METTL15: variants seen among roughly 807,000 people sequenced by gnomAD.
METTL15 encodes 12S rRNA N(4)-cytidine methyltransferase METTL15.
A neutral mutation model predicts 38.3 loss-of-function variants in METTL15; 34 were observed. The ratio of observed to expected loss-of-function variants is 0.89; its 90% CI spans 0.68 to 1.18. The LOEUF (loss-of-function observed/expected upper bound fraction) is 1.18, where lower values mean the gene tolerates loss of function less well. Among genes scored for constraint, METTL15 ranks in the 50% most tolerant of loss-of-function variants. The probability of loss-of-function intolerance (pLI) is 0.00; values close to 1 mark genes in which losing one functional copy is unlikely to be tolerated. For missense variants in METTL15, 438 were observed against 498.4 expected (o/e 0.88, Z 1.15); for synonymous variants, 162 against 170.9 (o/e 0.95, Z 0.41).
intron 3 of METTL15, among the ~76,000 whole-genome samples, chr11:28,128,480 T>C (rs1376703570): frequency 1.3e-5 from 2 of 152,188 alleles, no homozygotes; most frequent in Non-Finnish European, 2.9e-5. Flanking sequence ...GTATGTTATA[T>C]ACATTTATTT....
chr11:28,154,302 A>G (rs1179700298), intron 3 of METTL15, among the ~76,000 whole-genome samples: 1 of 152,076 alleles, frequency 6.6e-6, no homozygotes, highest in Non-Finnish European at 1.5e-5. Context: ...TCTCACTTGT[A>G]CGATGTGGAT....
chr11:28,381,427 AT>A (rs1470780691), intron 5 of METTL15, among the ~76,000 whole-genome samples: 1 of 152,118 alleles, frequency 6.6e-6, no homozygotes. Context: ...CTTTCTAATT[AT>A]TTTTTTGAAT....
Position 28,332,577 on chromosome 11 carries a change from C to T in METTL15, c.*1736C>T, listed in dbSNP as rs1238901948. 1 of 148,160 alleles carries T rather than the reference C, an allele frequency of 6.7e-6. No homozygotes were observed. The highest frequency in any genetic ancestry group is 1.5e-5 in the Non-Finnish European group (1 of 67,612). 9.2% of individuals were successfully genotyped at this position (148,160 alleles called of 1,614,324 possible). On this transcript the variant is annotated 3_prime_UTR_variant, in exon 7 of 7. Transcript: ENST00000407364. ...CAGTATGTGACCTTATTTGGAAATA[C>T]TGTGGTTGTGGTTGTAAGTAGCTAA...
At chr11:28,447,795 T>C (rs1851087393) in intron 6 of METTL15, among the ~76,000 whole-genome samples, 1 of 152,144 alleles carries the variant, frequency 6.6e-6, no homozygotes, top group African/African-American at 2.4e-5. Context: ...ATAAATGCCT[T>C]GCTTTAGGGG....
intron 4 of METTL15, among the ~76,000 whole-genome samples, chr11:28,282,598 C>G (rs1307649687): frequency 6.6e-6 from 1 of 152,124 alleles, no homozygotes; most frequent in African/African-American, 2.4e-5. Context: ...ATTTGACTTG[C>G]CTTGGCTAAT....
chr11:28,248,769 A>G (rs1015641019), intron 4 of METTL15, among the ~76,000 whole-genome samples: 6 of 152,002 alleles, frequency 3.9e-5, no homozygotes, highest in African/African-American at 1.2e-4. Flanking sequence ...AATCTTTACA[A>G]TAAACTTTTG....
At chr11:28,361,126 G>A (rs1467306003) in intron 4 of METTL15, among the ~76,000 whole-genome samples, 2 of 151,216 alleles carry the variant, frequency 1.3e-5, no homozygotes, top group African/African-American at 4.9e-5. Context: ...ACATACGTGT[G>A]CATGTGTCTT....
At chr11:28,436,110 G>A (rs929804119) in intron 6 of METTL15, among the ~76,000 whole-genome samples, 2 of 152,098 alleles carry the variant, frequency 1.3e-5, no homozygotes, top group Admixed American at 6.5e-5. Context: ...AAATCCTAAA[G>A]TTCATTAGTA....
At chr11:28,365,883 C>T (rs1850180861) in intron 5 of METTL15, among the ~76,000 whole-genome samples, 1 of 152,042 alleles carries the variant, frequency 6.6e-6, no homozygotes, top group South Asian at 2.1e-4. Context: ...AACCCCTTCT[C>T]TACTGAAAAT....
intron 6 of METTL15, among the ~76,000 whole-genome samples, chr11:28,431,790 TA>T (rs869087503): frequency 0.43 from 30,436 of 71,354 alleles, 5,629 homozygotes; most frequent in Admixed American, 0.49. Context: ...AAAATAAATT[TA>T]AAAAAAAAAA....
At chr11:28,251,994 C>T (rs1489312805) in intron 4 of METTL15, among the ~76,000 whole-genome samples, 4 of 152,062 alleles carry the variant, frequency 2.6e-5, no homozygotes, top group African/African-American at 9.7e-5. Context: ...TTCAACTGAA[C>T]ATTATTAGAG....
rs1565260903 is a variant in METTL15, at chr11:28,330,587, C to G, written c.970C>G (p.Leu324Val). ...GRLVALSFHS[L>V]EDRIVKRFLL... is the part of the protein sequence containing the mutation. ...TCTTGTTGCCCTCTCCTTCCATTCACTAGAGGATCGCATCGTCAAAAGATT... is the reference window on the plus strand; with the variant it reads ...TCTTGTTGCCCTCTCCTTCCATTCAGTAGAGGATCGCATCGTCAAAAGATT... The change falls in exon 7 of 7, where the codon CTA (leucine) becomes GTA (valine). Residue 324 changes from leucine to valine, a missense_variant. Physicochemically the swap from Leu to Val is conservative, Grantham distance 32. Coordinates refer to ENST00000407364, the MANE Select transcript of METTL15 (RefSeq NM_001113528.2). The G allele has an allele frequency of 6.4e-7, 1 of 1,551,524 alleles. No homozygotes were observed.
intron 3 of METTL15, among the ~76,000 whole-genome samples, chr11:28,204,435 CTTTTTTTT>C (rs59729387): frequency 6.6e-4 from 52 of 79,344 alleles, no homozygotes; most frequent in East Asian, 4.8e-3. Context: ...CTGAGTTTTC[CTTTTTTTT>C]TTTTTTTTTT....
rs200120300 is a variant in METTL15, at chr11:28,163,182, CAAG to C, written c.271-47873_271-47871del. 2.2e-3 allele frequency: 847 copies of C among 391,654 alleles called. 8 individuals carry two copies. Among genetic ancestry groups the C allele is most frequent in the African/African-American group, 0.014 (690 of 48,464 alleles). The allele number at this position is 391,654 out of a possible 1,614,324, so 24.3% of individuals were successfully genotyped here. A position where few individuals can be genotyped will look rare whatever the true frequency, so the allele number is the denominator to read the frequency against. ...AAAAGTGTGATTTGTAATACGTAGT[CAAG>C]AAGAAGCAACTCATTCTTGGGTGTG... On this transcript the variant is annotated intron_variant, in intron 3 of 6. Transcript: ENST00000407364.
intron 6 of METTL15, among the ~76,000 whole-genome samples, chr11:28,480,524 T>C (rs1851386315): frequency 6.6e-6 from 1 of 152,230 alleles, no homozygotes; most frequent in African/African-American, 2.4e-5. Flanking sequence ...CACCAATACC[T>C]GGAAATGTAA....
intron 6 of METTL15, among the ~76,000 whole-genome samples, chr11:28,310,962 G>C (rs1382282764): frequency 3.4e-5 from 4 of 117,452 alleles, no homozygotes; most frequent in African/African-American, 1.6e-4. Context: ...GGTGGTGGTG[G>C]TGGGTGTGTG....
chr11:28,518,548 G>T (rs1851738342), intron 6 of METTL15, among the ~76,000 whole-genome samples: 2 of 152,202 alleles, frequency 1.3e-5, no homozygotes, highest in Non-Finnish European at 2.9e-5. Context: ...TTTGGGAACT[G>T]AACAGCCCTT....
At chr11:28,134,658 G>A in intron 3 of METTL15, 1 of 398,360 alleles carries the variant, frequency 2.5e-6, no homozygotes, top group Admixed American at 4.4e-5. Context: ...CAGTTTAAGG[G>A]TCCTGGGAAG....
intron 3 of METTL15, among the ~76,000 whole-genome samples, chr11:28,197,832 A>G (rs954611073): frequency 7.9e-5 from 12 of 152,076 alleles, no homozygotes; most frequent in African/African-American, 2.9e-4. Flanking sequence ...AGAAAATCTT[A>G]CCATCATTTA....
Sources: allele counts gnomAD v4.1 joint callset (sites outside exome capture counted in the v4.1 genomes callset), GRCh38; gene constraint gnomAD v4.1.1; transcripts MANE v1.5; gene names NCBI Gene and HGNC (gene_info 2026-07-23, HGNC 2026-07-21).